Variants in CUBN observed in about 807,000 individuals in gnomAD.
CUBN encodes the protein 460 kDa receptor.
A neutral mutation model predicts 405.3 loss-of-function variants in CUBN; 282 were observed. That is an observed-to-expected ratio of 0.70 (90% confidence interval 0.63 to 0.77). The LOEUF (loss-of-function observed/expected upper bound fraction) is 0.77, where lower values mean the gene tolerates loss of function less well. CUBN is among the 30% of genes least tolerant of loss of function. The probability of loss-of-function intolerance (pLI) is 0.00; values close to 1 mark genes in which losing one functional copy is unlikely to be tolerated. For missense variants in CUBN, 4,514 were observed against 4,475.2 expected, an observed-to-expected ratio of 1.01 and a Z score of -0.25; for synonymous variants, 1,684 against 1,617.0, an observed-to-expected ratio of 1.04 and a Z score of -0.99.
intron 43 of CUBN, among the ~76,000 whole-genome samples, 167 bp downstream of exon 43, chr10:16,925,074 T>C (rs1184795207): frequency 6.6e-6 from 1 of 152,192 alleles, no homozygotes; most frequent in Non-Finnish European, 1.5e-5. Context: ...ATACTTTACT[T>C]GAAAAGTAGT....
At chr10:17,112,096 G>C (rs187112389) in intron 8 of CUBN, among the ~76,000 whole-genome samples, 6 of 152,278 alleles carry the variant, frequency 3.9e-5, no homozygotes, top group Non-Finnish European at 1.5e-5. Context: ...TTTTACTTTA[G>C]TGGTTCCCAT....
At position 16,933,197 on chromosome 10, in the gene CUBN, T is replaced by C. The variant is rs760819185; in HGVS notation, c.6014A>G (p.Asp2005Gly). 10 of 1,614,036 alleles carry C rather than the reference T, an allele frequency of 6.2e-6. No homozygotes were observed. In the South Asian group the frequency reaches 1.1e-4, roughly 18 times the overall value. The change falls in exon 40 of 67, where the codon GAC becomes GGC. Residue 2005 changes from aspartate (D) to glycine (G), a missense_variant. Asp to Gly is a moderately conservative substitution (Grantham distance 94). Around this residue, in one of 5 missense-constraint regions of CUBN, gnomAD observed 1,613 missense variants for 1,542.8 expected, o/e 1.05. Coordinates refer to ENST00000377833, the MANE Select transcript of CUBN (RefSeq NM_001081.4). The part of the protein sequence containing the change: ...GWPDSYSNRV[D>G]CTWLIQAPDS... ...GGGAGCCTGGATGAGCCACGTACAG[T>C]CCACTCTATTACTGTAACTGTCAGG...
In CUBN at chr10:16,851,287, AAT is replaced by A; in HGVS notation, c.9609_9610del (p.Phe3204CysfsTer8). ...CCTAGTACTTGCTGCCTCCAGAGCA[AAT>A]GTATTGAAGGTGAGGTGAATTACTT... On this transcript the variant is annotated frameshift_variant, in exon 60 of 67. Coordinates refer to ENST00000377833, the MANE Select transcript of CUBN (RefSeq NM_001081.4). LOFTEE classifies it high-confidence loss of function. The A allele has an allele frequency of 6.2e-7, 1 of 1,614,192 alleles. No homozygotes were observed. Among genetic ancestry groups the A allele is most frequent in the Non-Finnish European group, 8.5e-7 (1 of 1,180,016 alleles).
At chr10:17,031,032 G>C (rs574150390) in intron 27 of CUBN, among the ~76,000 whole-genome samples, 1 of 152,098 alleles carries the variant, frequency 6.6e-6, no homozygotes, top group Admixed American at 6.6e-5. Flanking sequence ...GGGACAATAC[G>C]AACACTCCTG....
intron 54 of CUBN, among the ~76,000 whole-genome samples, chr10:16,891,767 CAG>C (rs1347547884): frequency 6.6e-6 from 1 of 152,006 alleles, no homozygotes; most frequent in African/African-American, 2.4e-5. Flanking sequence ...CGTCCTAGTT[CAG>C]AGGTCTCAAC....
At chr10:16,884,168 G>C (rs1361695394) in intron 56 of CUBN, among the ~76,000 whole-genome samples, 2 of 152,058 alleles carry the variant, frequency 1.3e-5, no homozygotes, top group South Asian at 2.1e-4. Flanking sequence ...TTGTTTAGTA[G>C]AGACAAGGTT....
At chr10:17,105,961 A>T (rs1836619951) in intron 10 of CUBN, among the ~76,000 whole-genome samples, 1 of 152,114 alleles carries the variant, frequency 6.6e-6, no homozygotes, top group African/African-American at 2.4e-5. Context: ...CAAGCACTGG[A>T]CTTACTCTGA....
intron 14 of CUBN, among the ~76,000 whole-genome samples, chr10:17,097,543 T>G (rs751657425): frequency 7.2e-5 from 11 of 152,172 alleles, no homozygotes; most frequent in Admixed American, 5.2e-4. Context: ...CTATTAATTT[T>G]AAAACATTGA....
chr10:17,065,501 T>G lies in CUBN; in HGVS notation c.3139+7A>C. ...ATAAAACCGAGTATGCAATGCTGTTTTGTTACCTGTTGCTGCACTGATTGC... is the reference window on the plus strand; with the variant it reads ...ATAAAACCGAGTATGCAATGCTGTTGTGTTACCTGTTGCTGCACTGATTGC... On this transcript the variant is annotated splice_region_variant and intron_variant, in intron 22 of 66. Transcript: ENST00000377833. The G allele has an allele frequency of 6.2e-7, 1 of 1,613,028 alleles. No individual in the cohort carries two copies. The highest frequency in any genetic ancestry group is 8.5e-7 in the Non-Finnish European group (1 of 1,179,160).
rs75943592 is a variant in CUBN, at chr10:17,021,243, T to C, written c.4018-1260A>G. 8.5e-3 allele frequency among the ~76,000 whole-genome samples: 1,297 copies of C among 152,322 alleles called. 15 individuals are homozygous for C. The highest frequency in any genetic ancestry group is 0.029 in the African/African-American group (1,218 of 41,566). Reference sequence around the variant, plus strand: ...AGGAGAAATGGAGGGTGCAAGGTTGTGTCCCCTTAACCTACCTCATTTAAT... The same window carrying C: ...AGGAGAAATGGAGGGTGCAAGGTTGCGTCCCCTTAACCTACCTCATTTAAT... On this transcript the variant is annotated intron_variant, in intron 27 of 66. Transcript: ENST00000377833.
At position 16,990,552 on chromosome 10, in the gene CUBN, G is replaced by A. The variant is rs761468700; in HGVS notation, c.4169-37C>T. On this transcript the variant is annotated intron_variant, in intron 28 of 66. Coordinates refer to ENST00000377833, the MANE Select transcript of CUBN (RefSeq NM_001081.4). ...GAAAGGTTCAGTCAGTTCAAAGTGGGCAACAGCACATGGAAAATAATTCCA... is the reference window on the plus strand; with the variant it reads ...GAAAGGTTCAGTCAGTTCAAAGTGGACAACAGCACATGGAAAATAATTCCA... The A allele has an allele frequency of 1.9e-6, 3 of 1,594,270 alleles. No homozygotes were observed. In the African/African-American group the frequency reaches 4.0e-5, roughly 21 times the overall value.
intron 36 of CUBN, among the ~76,000 whole-genome samples, chr10:16,944,304 C>A (rs1477455566): frequency 6.6e-6 from 1 of 152,154 alleles, no homozygotes; most frequent in Non-Finnish European, 1.5e-5. Flanking sequence ...AAACAATTTA[C>A]CATATTCACA....
chr10:16,866,499 C>T (rs1470973908), intron 59 of CUBN, among the ~76,000 whole-genome samples: 3 of 152,134 alleles, frequency 2.0e-5, no homozygotes, highest in African/African-American at 4.8e-5. Flanking sequence ...TAAAAGCATC[C>T]GTTCTGCCTA....
intron 37 of CUBN, 104 bp downstream of exon 37, chr10:16,939,928 G>T (rs1842608234): frequency 1.0e-6 from 1 of 1,001,766 alleles, no homozygotes; most frequent in Non-Finnish European, 1.6e-6. Flanking sequence ...GGAAAATAGT[G>T]TAGAGTTTAG....
At chr10:16,915,728 C>T (rs1841864334) in intron 46 of CUBN, 93 bp downstream of exon 46, 5 of 1,043,398 alleles carry the variant, frequency 4.8e-6, no homozygotes, top group Non-Finnish European at 7.4e-6. Flanking sequence ...TATAGATGTG[C>T]TTTTGCCTTT....
chr10:17,119,465 G>T (rs1428936074), intron 6 of CUBN, among the ~76,000 whole-genome samples: 1 of 152,132 alleles, frequency 6.6e-6, no homozygotes, highest in Non-Finnish European at 1.5e-5. Context: ...TTTGAGACCA[G>T]CCTGGCCAAC....
intron 25 of CUBN, 49 bp downstream of exon 25, chr10:17,044,958 T>C (rs1277250576): frequency 1.0e-5 from 16 of 1,539,296 alleles, no homozygotes; most frequent in Non-Finnish European, 1.4e-5. Flanking sequence ...GCATTGTGCG[T>C]TGGGTGAGAT....
At chr10:17,123,755 G>A (rs372937680) in intron 4 of CUBN, 66 bp from the exon 5 acceptor site, 19 of 1,042,480 alleles carry the variant, frequency 1.8e-5, no homozygotes, top group East Asian at 1.2e-4. Context: ...GCATGTTACC[G>A]TGCACGTGGG....
intron 31 of CUBN, among the ~76,000 whole-genome samples, chr10:16,973,724 G>C (rs1460535501): frequency 6.6e-6 from 1 of 152,130 alleles, no homozygotes; most frequent in Non-Finnish European, 1.5e-5. Context: ...TCCCACTCCT[G>C]AGTGAGAACA....
Sources: gnomAD v4.1 joint callset for allele counts (sites outside exome capture counted in the v4.1 genomes callset) on GRCh38, gnomAD v4.1.1 for gene constraint, gnomAD v4.1.1 regional missense constraint, MANE v1.5 for transcripts, NCBI Gene and HGNC (gene_info 2026-07-23, HGNC 2026-07-21) for gene names.